Variants in STXBP4 observed in about 807,000 individuals in gnomAD.
The protein encoded by STXBP4 is syntaxin-binding protein 4.
Under a neutral mutation model 76.1 loss-of-function variants are expected in STXBP4, and 55 were observed. The observed-to-expected ratio is 0.72, with a 90% CI of 0.58 to 0.91. The LOEUF is 0.91. Ranked by LOEUF, STXBP4 falls within the 40% of genes least tolerant of loss-of-function variation. The pLI is 0.00. For missense variants in STXBP4, 618 were observed against 636.9 expected, an observed-to-expected ratio of 0.97 and a Z score of 0.32; for synonymous variants, 201 against 220.2, an observed-to-expected ratio of 0.91 and a Z score of 0.77.
chr17:55,142,837 C>G (rs1202161786), intron 17 of STXBP4, among the ~76,000 whole-genome samples: 1 of 152,122 alleles, frequency 6.6e-6, no homozygotes, highest in Non-Finnish European at 1.5e-5. Flanking sequence ...GAACTTTTGG[C>G]ATAGAGGACC....
chr17:55,154,253 A>G (rs1339290177), intron 17 of STXBP4, among the ~76,000 whole-genome samples: 1 of 152,162 alleles, frequency 6.6e-6, no homozygotes, highest in Non-Finnish European at 1.5e-5. Flanking sequence ...CCCACAAAAG[A>G]TAAACATCAA....
intron 12 of STXBP4, among the ~76,000 whole-genome samples, chr17:55,071,085 T>C (rs1284317685): frequency 6.6e-6 from 1 of 152,104 alleles, no homozygotes; most frequent in Non-Finnish European, 1.5e-5. Context: ...CTACAGTTAA[T>C]TTTTGCCCAT....
In STXBP4 at chr17:55,112,010, G is replaced by A. The variant is rs868568264; in HGVS notation, c.1490-29300G>A. ...AGCTCACTGCAGTTTCGAACTCCTG[G>A]GCTCAGGCTATTGTCCCACTATAGC... is the stretch of plus-strand genomic sequence containing the variant. On this transcript the variant is annotated intron_variant, in intron 16 of 17. Coordinates refer to ENST00000376352, the MANE Select transcript of STXBP4 (RefSeq NM_178509.6). Among the ~76,000 whole-genome samples, 10 of 152,134 alleles carry A rather than the reference G, an allele frequency of 6.6e-5. No homozygotes were observed. In the Middle Eastern group the frequency reaches 0.017, roughly 259 times the overall value.
At chr17:55,049,463 A>G (rs2078831998) in intron 12 of STXBP4, among the ~76,000 whole-genome samples, 1 of 152,014 alleles carries the variant, frequency 6.6e-6, no homozygotes, top group Non-Finnish European at 1.5e-5. Context: ...GGAAAACAGA[A>G]TACATCATTT....
chr17:55,159,261 T>TA (rs2080313539), intron 17 of STXBP4, among the ~76,000 whole-genome samples: 1 of 151,958 alleles, frequency 6.6e-6, no homozygotes, highest in African/African-American at 2.4e-5. Context: ...CATAAATAAA[T>TA]AAATAAATAA....
At chr17:54,986,912 A>G (rs1408753748) in intron 3 of STXBP4, among the ~76,000 whole-genome samples, 1 of 152,232 alleles carries the variant, frequency 6.6e-6, no homozygotes, top group East Asian at 1.9e-4. Context: ...GGCCTCAGCT[A>G]GGAAGGTTGA....
At chr17:55,003,461 A>T (rs2077952423) in intron 7 of STXBP4, among the ~76,000 whole-genome samples, 1 of 152,160 alleles carries the variant, frequency 6.6e-6, no homozygotes, top group South Asian at 2.1e-4. Flanking sequence ...GGGAGTGGAA[A>T]AAAGGCAAAA....
intron 11 of STXBP4, chr17:55,043,690 CA>C: frequency 1.3e-6 from 2 of 1,534,522 alleles, no homozygotes; most frequent in Admixed American, 2.0e-5. Flanking sequence ...TTGGGAAATA[CA>C]TTTTTTTTCA....
chr17:55,092,963 CA>C (rs1055185197), intron 16 of STXBP4, among the ~76,000 whole-genome samples: 1 of 148,350 alleles, frequency 6.7e-6, no homozygotes, highest in African/African-American at 2.5e-5. Context: ...AACAAAAAAA[CA>C]TTTTTTTTGT....
At chr17:55,113,672 A>G (rs908978152) in intron 16 of STXBP4, among the ~76,000 whole-genome samples, 1 of 152,148 alleles carries the variant, frequency 6.6e-6, no homozygotes, top group African/African-American at 2.4e-5. Context: ...GTTATTTTGA[A>G]AAGACCTGGA....
At chr17:55,206,787 G>A in the STXBP4 span, among the ~76,000 whole-genome samples, 4 of 149,150 alleles carry the variant, frequency 2.7e-5, no homozygotes, top group South Asian at 2.1e-4. Flanking sequence ...AACCCGGAAG[G>A]GGGAGGTTGC....
intron 16 of STXBP4, among the ~76,000 whole-genome samples, chr17:55,108,873 G>C (rs1025569771): frequency 2.0e-5 from 3 of 152,150 alleles, no homozygotes; most frequent in African/African-American, 7.2e-5. Flanking sequence ...CCAGCCATCA[G>C]TTGTGAATTC....
intron 17 of STXBP4, among the ~76,000 whole-genome samples, chr17:55,152,213 A>AC (rs1567783914): frequency 6.6e-6 from 1 of 151,750 alleles, no homozygotes. Flanking sequence ...ATATTTATGG[A>AC]CCCCCCTTTC....
intron 16 of STXBP4, among the ~76,000 whole-genome samples, chr17:55,113,454 A>AT (rs2079746433): frequency 1.3e-5 from 2 of 152,212 alleles, no homozygotes; most frequent in Middle Eastern, 3.4e-3. Flanking sequence ...AAGTTACTTG[A>AT]TTTGGACAAA....
intron 12 of STXBP4, among the ~76,000 whole-genome samples, chr17:55,063,138 C>A (rs1043839040): frequency 6.6e-6 from 1 of 152,146 alleles, no homozygotes; most frequent in African/African-American, 2.4e-5. Context: ...AGCTGGCATT[C>A]CTGTTTGCGC....
intron 16 of STXBP4, among the ~76,000 whole-genome samples, chr17:55,133,363 G>A (rs1186215202): frequency 6.6e-6 from 1 of 152,148 alleles, no homozygotes; most frequent in Non-Finnish European, 1.5e-5. Flanking sequence ...CAGGAGATCA[G>A]TAATGGGCAC....
At chr17:55,107,140 A>G (rs889335450) in intron 16 of STXBP4, among the ~76,000 whole-genome samples, 5 of 151,910 alleles carry the variant, frequency 3.3e-5, no homozygotes, top group African/African-American at 9.7e-5. Context: ...ATTCCTTTTC[A>G]TTCTTTCTTC....
Position 55,161,512 on chromosome 17 carries a change from C to G in STXBP4, c.*1601C>G, listed in dbSNP as rs1474114901. 1 of 152,064 alleles carries G rather than the reference C, an allele frequency of 6.6e-6. No individual in the cohort carries two copies. Among genetic ancestry groups the G allele is most frequent in the Non-Finnish European group, 1.5e-5 (1 of 68,020 alleles). The allele number at this position is 152,064 out of a possible 1,614,324, so 9.4% of individuals were successfully genotyped here. A position where few individuals can be genotyped will look rare whatever the true frequency, so the allele number is the denominator to read the frequency against. Reference sequence around the variant, plus strand: ...AATTAATGGTATGAAATTTCTCTCCCCCTGCTTGAAGAGTTTTCTAATTCG... The same window carrying G: ...AATTAATGGTATGAAATTTCTCTCCGCCTGCTTGAAGAGTTTTCTAATTCG... On this transcript the variant is annotated 3_prime_UTR_variant, in exon 18 of 18. Coordinates refer to ENST00000376352, the MANE Select transcript of STXBP4 (RefSeq NM_178509.6).
intron 17 of STXBP4, among the ~76,000 whole-genome samples, chr17:55,149,352 T>C (rs2080190312): frequency 7.1e-6 from 1 of 141,112 alleles, no homozygotes; most frequent in African/African-American, 2.5e-5. Context: ...AGGGCTTTAG[T>C]ATCAGACAGA....
Sources: allele counts gnomAD v4.1 joint callset (sites outside exome capture counted in the v4.1 genomes callset), GRCh38; gene constraint gnomAD v4.1.1; transcripts MANE v1.5; gene names NCBI Gene and HGNC (gene_info 2026-07-23, HGNC 2026-07-21).